Variants in MPPE1 observed in about 807,000 individuals in gnomAD.
MPPE1 encodes the protein metallo phosphoesterase.
In MPPE1, 28 loss-of-function variants were observed where a neutral mutation model predicts 43.8. That is an observed-to-expected ratio of 0.64 (90% confidence interval 0.47 to 0.88). The LOEUF (loss-of-function observed/expected upper bound fraction) is 0.88, where lower values mean the gene tolerates loss of function less well. Among genes scored for constraint, MPPE1 ranks in the 40% least tolerant of loss-of-function variants. The probability of loss-of-function intolerance (pLI) is 0.00; values close to 1 mark genes in which losing one functional copy is unlikely to be tolerated. For synonymous variants in MPPE1, 159 were observed against 188.5 expected, an observed-to-expected ratio of 0.84 and a Z score of 1.28; for missense variants, 428 against 492.2, an observed-to-expected ratio of 0.87 and a Z score of 1.23.
chr18:11,900,747 A>G (rs966258923), intron 2 of MPPE1, among the ~76,000 whole-genome samples: 1 of 151,532 alleles, frequency 6.6e-6, no homozygotes, highest in African/African-American at 2.4e-5. Context: ...CTCTACTAAA[A>G]ATACAAAAAA....
chr18:11,893,728 CAA>C (rs753381461), intron 3 of MPPE1, 152 bp from the exon 4 acceptor site: 14 of 641,598 alleles, frequency 2.2e-5, no homozygotes, highest in Non-Finnish European at 3.0e-5. Context: ...CTTGAAGGGC[CAA>C]AGAGTCCATA....
chr18:11,884,483 A>G lies in MPPE1; in HGVS notation c.1153T>C (p.Ser385Pro), dbSNP rs2036877825. 1 of 1,614,014 alleles carries G rather than the reference A, an allele frequency of 6.2e-7. No individual in the cohort carries two copies. The highest frequency in any genetic ancestry group is 1.3e-5 in the African/African-American group (1 of 74,932). The change falls in exon 11 of 11, where the codon TCT (serine) becomes CCT (proline). Residue 385 changes from serine (S) to proline (P), a missense_variant. Physicochemically the swap from Ser to Pro is moderately conservative, Grantham distance 74. Around this residue, in one of 3 missense-constraint regions of MPPE1, gnomAD observed 379 missense variants for 402.5 expected, o/e 0.94. Transcript: ENST00000588072. Reference sequence around the variant, plus strand: ...CGCTTTCCGAGCAAGTTCAAACCAGAAAGAAAAGGTGAGGCTAGAAGCCCA... The same window carrying G: ...CGCTTTCCGAGCAAGTTCAAACCAGGAAGAAAAGGTGAGGCTAGAAGCCCA... The part of the protein sequence containing the change: ...HFGLLASPFL[S>P]GLNLLGKRKT...
rs771327458 is a variant in MPPE1 at position 11,888,762 on chromosome 18, A to G, written c.495-19T>C. 1 of 1,507,768 alleles carries G rather than the reference A, an allele frequency of 6.6e-7. No individual in the cohort carries two copies. Among genetic ancestry groups the G allele is most frequent in the Non-Finnish European group, 9.0e-7 (1 of 1,112,766 alleles). 93.4% of individuals were successfully genotyped at this position (1,507,768 alleles called of 1,614,324 possible). On this transcript the variant is annotated intron_variant, in intron 5 of 10. Coordinates refer to ENST00000588072, the MANE Select transcript of MPPE1 (RefSeq NM_023075.6). ...GTTCATCCTATATTCAATTGTGAGA[A>G]GAAACATTTTTCAGGACAAGCCATT... is the stretch of plus-strand genomic sequence containing the variant.
Position 11,897,226 on chromosome 18 carries a change from A to G in MPPE1, c.39T>C (p.Phe13=). 1 of 1,182,350 alleles carries G rather than the reference A, an allele frequency of 8.5e-7. No homozygotes were observed. Among genetic ancestry groups the G allele is most frequent in the Non-Finnish European group, 1.2e-6 (1 of 828,292 alleles). 73.2% of individuals were successfully genotyped at this position (1,182,350 alleles called of 1,614,324 possible). Residue 13 remains phenylalanine (F), a synonymous_variant, in exon 3 of 11, where the codon TTT becomes TTC. Transcript: ENST00000588072. ...ATGAACTCTTCCTCTTTAATGGATG[A>G]AAATTCTGTCTTCCAAACCCCAATT... ...MIELGFGRQN[F]HPLKRKSSLL...
At chr18:11,894,313 A>T (rs2144464370) in intron 3 of MPPE1, among the ~76,000 whole-genome samples, 1 of 151,956 alleles carries the variant, frequency 6.6e-6, no homozygotes, top group South Asian at 2.1e-4. Flanking sequence ...CTGTGGTACC[A>T]GCTACTTGGG....
Position 11,885,809 on chromosome 18 carries a change from C to T in MPPE1, c.875G>A (p.Trp292Ter). Residue 292 changes from tryptophan (W) to a stop codon, truncating the protein, a stop_gained, in exon 10 of 11, where the codon TGG (tryptophan) becomes TAG (stop). Transcript: ENST00000588072. LOFTEE classifies it high-confidence loss of function. ...GAGAACCAGGCGCGGCTGGAGCCAC[C>T]ACAGCAGCTGACAGTGGCCGAGAAG... ...LSREASQKLL[W>*]WLQPRLVLSG... 6.2e-7 allele frequency: 1 copy of T among 1,607,196 alleles called. No individual in the cohort carries two copies. Among genetic ancestry groups the T allele is most frequent in the East Asian group, 2.2e-5 (1 of 44,664 alleles).
chr18:11,893,443 G>A (rs759259635), intron 4 of MPPE1, 25 bp downstream of exon 4: 3 of 1,533,822 alleles, frequency 2.0e-6, no homozygotes, highest in Non-Finnish European at 1.8e-6. Flanking sequence ...AGCAGGATGA[G>A]GGCACCTGGA....
chr18:11,903,760 C>T (rs1391763931), intron 2 of MPPE1, among the ~76,000 whole-genome samples: 2 of 152,236 alleles, frequency 1.3e-5, no homozygotes, highest in East Asian at 1.9e-4. Flanking sequence ...GAACCGAGAT[C>T]GCGCCATTGC....
intron 6 of MPPE1, 91 bp from the exon 7 acceptor site, chr18:11,887,116 G>T: frequency 1.1e-6 from 1 of 911,742 alleles, no homozygotes. Context: ...TAAGCATCCA[G>T]TGCAAAGAAA....
chr18:11,888,724 C>T lies in MPPE1; in HGVS notation c.514G>A (p.Glu172Lys). 1 of 1,596,950 alleles carries T rather than the reference C, an allele frequency of 6.3e-7. No individual in the cohort carries two copies. Among genetic ancestry groups the T allele is most frequent in the Non-Finnish European group, 8.5e-7 (1 of 1,174,248 alleles). Residue 172 changes from glutamate (E) to lysine (K), a missense_variant, in exon 6 of 11, where the codon GAA becomes AAA. This residue lies in a region of MPPE1 where 379 missense variants were observed against 402.5 expected (regional missense o/e 0.94). Transcript: ENST00000588072. ...FHYEMNTYKV[E>K]RFEKVFSSER... is the part of the protein sequence containing the mutation. ...GAGCTGAACACTTTCTCAAAGCGTT[C>T]TACTTTGTATGTGTTCATCCTATAT... is the stretch of plus-strand genomic sequence containing the variant.
At chr18:11,901,042 C>T (rs1351631446) in intron 2 of MPPE1, among the ~76,000 whole-genome samples, 1 of 151,932 alleles carries the variant, frequency 6.6e-6, no homozygotes, top group Non-Finnish European at 1.5e-5. Context: ...AAGAAATCTT[C>T]TCATAAGTAT....
chr18:11,890,611 A>G (rs553192863), intron 4 of MPPE1, among the ~76,000 whole-genome samples: 422 of 152,272 alleles, frequency 2.8e-3, no homozygotes, highest in African/African-American at 9.5e-3. Flanking sequence ...AGCTCAGCCT[A>G]ATGCCAAATT....
At chr18:11,894,104 T>C (rs1336882602) in intron 3 of MPPE1, among the ~76,000 whole-genome samples, 2 of 151,882 alleles carry the variant, frequency 1.3e-5, no homozygotes, top group African/African-American at 2.4e-5. Flanking sequence ...GACATGCGAG[T>C]AATCCTCCCA....
At chr18:11,907,655 C>CTTTTT (rs3048186) in intron 1 of MPPE1, among the ~76,000 whole-genome samples, 3 of 113,076 alleles carry the variant, frequency 2.7e-5, no homozygotes, top group Admixed American at 2.2e-4. Context: ...CTACACCTGG[C>CTTTTT]TTTTTTTTTT....
intron 2 of MPPE1, among the ~76,000 whole-genome samples, chr18:11,900,332 G>C (rs2039011269): frequency 6.6e-6 from 1 of 151,948 alleles, no homozygotes; most frequent in South Asian, 2.1e-4. Context: ...CGGTGACAGA[G>C]AAAGACTCCG....
intron 4 of MPPE1, among the ~76,000 whole-genome samples, chr18:11,890,653 A>G (rs1349031670): frequency 2.8e-4 from 43 of 152,220 alleles, no homozygotes; most frequent in Admixed American, 2.7e-3. Context: ...TCTTAAAACA[A>G]TAACTGGCAA....
chr18:11,893,401 G>A, intron 4 of MPPE1, 67 bp downstream of exon 4: 1 of 1,105,292 alleles, frequency 9.0e-7, no homozygotes, highest in Non-Finnish European at 1.4e-6. Context: ...ACTGATTCGT[G>A]GATTCTCTGG....
intron 2 of MPPE1, among the ~76,000 whole-genome samples, chr18:11,901,460 G>T (rs896332452): frequency 1.1e-4 from 16 of 151,662 alleles, no homozygotes; most frequent in Admixed American, 1.1e-3. Context: ...CGAACTCCTG[G>T]CCTCAGGTGA....
rs1382934906 is a variant in MPPE1, at chr18:11,884,180, A to G, written c.*265T>C. ...GAGTGACGACATTAATAGCATTTAC[A>G]TACTGTACAGATGCAACCTTTGATG... On this transcript the variant is annotated 3_prime_UTR_variant, in exon 11 of 11. Transcript: ENST00000588072. The G allele has an allele frequency of 2.5e-6, 1 of 395,668 alleles. No individual in the cohort carries two copies. The highest frequency in any genetic ancestry group is 2.0e-5 in the African/African-American group (1 of 49,922). 24.5% of individuals were successfully genotyped at this position (395,668 alleles called of 1,614,324 possible). A position where few individuals can be genotyped will look rare whatever the true frequency, so the allele number is the denominator to read the frequency against.
Sources: gnomAD v4.1 joint callset for allele counts (sites outside exome capture counted in the v4.1 genomes callset) on GRCh38, gnomAD v4.1.1 for gene constraint, gnomAD v4.1.1 regional missense constraint, MANE v1.5 for transcripts, NCBI Gene and HGNC (gene_info 2026-07-23, HGNC 2026-07-21) for gene names.